RGL1: variants seen among roughly 807,000 people sequenced by gnomAD.
The protein encoded by RGL1 is ral guanine nucleotide dissociation stimulator like 1, also known as ral guanine nucleotide dissociation stimulator-like 1.
In RGL1, 24 loss-of-function variants were observed where a neutral mutation model predicts 95.2. That is an observed-to-expected ratio of 0.25 (90% CI 0.18 to 0.35). The LOEUF (loss-of-function observed/expected upper bound fraction) is 0.35. Among genes scored for constraint, RGL1 ranks in the 10% least tolerant of loss-of-function variants. RGL1 has a pLI of 1.00. For synonymous variants in RGL1, 329 were observed against 344.9 expected (o/e 0.95, Z 0.51); for missense variants, 715 against 936.3 (o/e 0.76, Z 3.08).
intron 1 of RGL1, among the ~76,000 whole-genome samples, chr1:183,670,716 T>G (rs1045845187): frequency 8.5e-5 from 13 of 152,226 alleles, no homozygotes; most frequent in Non-Finnish European, 1.6e-4. Context: ...GAAGAGTTGT[T>G]GATTTTTCAG....
intron 2 of RGL1, among the ~76,000 whole-genome samples, chr1:183,817,770 AGAG>A (rs1386483147): frequency 1.3e-5 from 2 of 152,218 alleles, no homozygotes; most frequent in South Asian, 2.1e-4. Context: ...GTGTGGTGGT[AGAG>A]GAGAAGGGAC....
rs148334886 is a variant in RGL1, at chr1:183,914,264, G to A, written c.1749+1996G>A. Among the ~76,000 whole-genome samples the A allele has an allele frequency of 2.8e-3, 427 of 152,332 alleles. 1 individual carries two copies. The highest frequency in any genetic ancestry group is 0.01 in the Middle Eastern group (3 of 294). On this transcript the variant is annotated intron_variant, in intron 15 of 17. Coordinates refer to ENST00000360851, the MANE Select transcript of RGL1 (RefSeq NM_001297671.3). ...TTTTAAAACTATGCAGAAGCCCAGT[G>A]TGCTTTCTCCTGCACATCCCTTGCT...
intron 2 of RGL1, among the ~76,000 whole-genome samples, chr1:183,755,839 T>C (rs1658294567): frequency 6.6e-6 from 1 of 152,034 alleles, no homozygotes; most frequent in Non-Finnish European, 1.5e-5. Flanking sequence ...GGTGTGCATG[T>C]CAAGGAAAGG....
chr1:183,822,352 A>G (rs888273482), intron 2 of RGL1, among the ~76,000 whole-genome samples: 4 of 151,920 alleles, frequency 2.6e-5, no homozygotes, highest in African/African-American at 9.7e-5. Flanking sequence ...GCCACCAAAC[A>G]TTTTTTTTCT....
At chr1:183,654,358 C>T (rs1373782675) in intron 1 of RGL1, among the ~76,000 whole-genome samples, 2 of 152,200 alleles carry the variant, frequency 1.3e-5, no homozygotes, top group African/African-American at 4.8e-5. Flanking sequence ...TCATTGCTTG[C>T]ATCTTCTAAC....
intron 14 of RGL1, among the ~76,000 whole-genome samples, chr1:183,911,160 C>T (rs1370405132): frequency 2.0e-5 from 3 of 152,132 alleles, no homozygotes; most frequent in Non-Finnish European, 2.9e-5. Context: ...ATCTAGTTTA[C>T]TAGCGGTGTC....
chr1:183,877,435 G>C (rs1300328784), intron 4 of RGL1, among the ~76,000 whole-genome samples: 1 of 152,130 alleles, frequency 6.6e-6, no homozygotes, highest in Non-Finnish European at 1.5e-5. Flanking sequence ...TTTCGCATTT[G>C]TATCTGCTTC....
At chr1:183,822,345 A>C (rs560390248) in intron 2 of RGL1, among the ~76,000 whole-genome samples, 15 of 84,776 alleles carry the variant, frequency 1.8e-4, no homozygotes, top group African/African-American at 4.4e-4. Flanking sequence ...CACAAAAGCC[A>C]CCAAACATTT....
intron 9 of RGL1, among the ~76,000 whole-genome samples, chr1:183,893,823 G>A (rs964713441): frequency 1.3e-5 from 2 of 152,194 alleles, no homozygotes; most frequent in African/African-American, 4.8e-5. Context: ...GGCAGGGGCT[G>A]TATGTATCTT....
intron 1 of RGL1, among the ~76,000 whole-genome samples, chr1:183,681,845 A>G (rs986347207): frequency 2.6e-5 from 4 of 152,260 alleles, no homozygotes; most frequent in South Asian, 4.1e-4. Flanking sequence ...TACTGCCTCA[A>G]TTTAAGAACT....
intron 2 of RGL1, among the ~76,000 whole-genome samples, chr1:183,793,768 A>G (rs1660549086): frequency 6.6e-6 from 1 of 152,162 alleles, no homozygotes; most frequent in Non-Finnish European, 1.5e-5. Flanking sequence ...GAGGATGCAG[A>G]GGAAAAGAAA....
chr1:183,841,990 C>T (rs1664091077), intron 2 of RGL1, among the ~76,000 whole-genome samples: 1 of 152,052 alleles, frequency 6.6e-6, no homozygotes, highest in African/African-American at 2.4e-5. Flanking sequence ...CTTTCAGTCC[C>T]AAGAATTTGA....
chr1:183,916,592 C>T lies in RGL1; in HGVS notation c.1895C>T (p.Ser632Phe). The change falls in exon 16 of 18, where the codon TCC becomes TTC. Residue 632 changes from serine to phenylalanine, a missense_variant. This residue lies in a region of RGL1 where 330 missense variants were observed against 429.6 expected (regional missense o/e 0.77). Transcript: ENST00000360851. Reference protein sequence around the residue: ...KIHKRSVSVTSITSTVLPPVY... With the variant: ...KIHKRSVSVTFITSTVLPPVY... ...CACAAGCGCTCTGTCTCGGTGACGT[C>T]CATTACCTCGACTGTGCTGCCTCCT... 6.2e-7 allele frequency: 1 copy of T among 1,613,990 alleles called. No homozygotes were observed. Among genetic ancestry groups the T allele is most frequent in the Non-Finnish European group, 8.5e-7 (1 of 1,180,008 alleles).
chr1:183,842,477 A>T (rs997423700), intron 2 of RGL1, among the ~76,000 whole-genome samples: 1 of 152,134 alleles, frequency 6.6e-6, no homozygotes, highest in Non-Finnish European at 1.5e-5. Context: ...TCTCCGTCTC[A>T]TGCCAAAATC....
At chr1:183,641,779 G>A (rs963597461) in intron 1 of RGL1, among the ~76,000 whole-genome samples, 2 of 151,972 alleles carry the variant, frequency 1.3e-5, no homozygotes, top group African/African-American at 4.8e-5. Flanking sequence ...AAACCACCTG[G>A]GCTTGCTGAT....
chr1:183,704,089 G>A (rs942454231), intron 1 of RGL1, among the ~76,000 whole-genome samples: 30 of 152,188 alleles, frequency 2.0e-4, no homozygotes, highest in Non-Finnish European at 3.4e-4. Context: ...AACAAGGACA[G>A]GGACAAAAAC....
chr1:183,776,249 C>T (rs1044624254), intron 2 of RGL1, among the ~76,000 whole-genome samples: 6 of 149,344 alleles, frequency 4.0e-5, no homozygotes, highest in African/African-American at 4.9e-5. Context: ...CCCGGGTTCA[C>T]GCCATTCTCC....
intron 3 of RGL1, among the ~76,000 whole-genome samples, chr1:183,852,012 T>C (rs938701129): frequency 1.3e-5 from 2 of 152,236 alleles, no homozygotes; most frequent in African/African-American, 4.8e-5. Context: ...TAATTTCTTT[T>C]GGTTTCTTAA....
chr1:183,840,892 T>TAACA lies in RGL1; in HGVS notation c.139-6663_139-6660dup, dbSNP rs149314118. Among the ~76,000 whole-genome samples the TAACA allele has an allele frequency of 4.6e-5, 7 of 151,928 alleles. No homozygotes were observed. The East Asian group carries it at 1.3e-3, about 29-fold the overall frequency. ...GGGCAATAGAGATGGACTGCATCTC[T>TAACA]AACAAACAAACAAAACAAAACAACC... On this transcript the variant is annotated intron_variant, in intron 2 of 17. Transcript: ENST00000360851.
Sources: gnomAD v4.1 joint callset for allele counts (sites outside exome capture counted in the v4.1 genomes callset) on GRCh38, gnomAD v4.1.1 for gene constraint, gnomAD v4.1.1 regional missense constraint, MANE v1.5 for transcripts, NCBI Gene and HGNC (gene_info 2026-07-23, HGNC 2026-07-21) for gene names.